Variants in PRORP observed in about 807,000 individuals in gnomAD.
PRORP encodes mitochondrial ribonuclease P catalytic subunit.
Under a neutral mutation model 59.4 loss-of-function variants are expected in PRORP, and 51 were observed. That is an observed-to-expected ratio of 0.86 (90% CI 0.69 to 1.08). The LOEUF is 1.08. PRORP is among the 50% of genes least tolerant of loss of function. The pLI, the probability that PRORP is intolerant of heterozygous loss-of-function variation, is 0.00. For synonymous variants in PRORP, 231 were observed against 245.6 expected, an observed-to-expected ratio of 0.94 and a Z score of 0.55; for missense variants, 646 against 690.3, an observed-to-expected ratio of 0.94 and a Z score of 0.72.
At chr14:35,179,902 A>T (rs1219666514) in intron 4 of PRORP, among the ~76,000 whole-genome samples, 1 of 152,128 alleles carries the variant, frequency 6.6e-6, no homozygotes, top group Non-Finnish European at 1.5e-5. Flanking sequence ...TGACAGACAG[A>T]TGGGGTTTTG....
In PRORP at chr14:35,231,722, G is replaced by T. The variant is rs1218329536; in HGVS notation, c.1276-35005G>T. 5.3e-5 allele frequency among the ~76,000 whole-genome samples: 8 copies of T among 152,278 alleles called. No homozygotes were observed. In the East Asian group the frequency reaches 1.5e-3, roughly 29 times the overall value. The stretch of plus-strand genomic sequence containing the variant: ...TTTAAAAATACTGGGAATGTGAAAG[G>T]AAAGTCCTTAGAATCAGCCATACCC... On this transcript the variant is annotated intron_variant, in intron 5 of 7. Coordinates refer to ENST00000534898, the MANE Select transcript of PRORP (RefSeq NM_014672.4).
chr14:35,251,628 C>T (rs778975536), intron 5 of PRORP, among the ~76,000 whole-genome samples: 8 of 152,152 alleles, frequency 5.3e-5, no homozygotes, highest in Non-Finnish European at 1.2e-4. Context: ...TACCTTGGCT[C>T]ACTGCAACTT....
chr14:35,175,768 G>T (rs1366735971), intron 4 of PRORP, among the ~76,000 whole-genome samples: 1 of 152,012 alleles, frequency 6.6e-6, no homozygotes, highest in Non-Finnish European at 1.5e-5. Context: ...GTCAATTTTG[G>T]CTTTTGTTGC....
intron 4 of PRORP, among the ~76,000 whole-genome samples, chr14:35,154,596 A>T (rs2047863984): frequency 1.3e-5 from 2 of 152,088 alleles, no homozygotes; most frequent in Non-Finnish European, 2.9e-5. Flanking sequence ...CTGGAAATAC[A>T]GGGGGCAGAG....
chr14:35,136,566 G>T (rs1176079720), intron 4 of PRORP, among the ~76,000 whole-genome samples: 1 of 144,678 alleles, frequency 6.9e-6, no homozygotes, highest in African/African-American at 2.4e-5. Context: ...TAGAGACGGG[G>T]GTTTCTCCAT....
At chr14:35,151,666 A>ACACG (rs1370506067) in intron 4 of PRORP, among the ~76,000 whole-genome samples, 7 of 151,672 alleles carry the variant, frequency 4.6e-5, no homozygotes, top group African/African-American at 1.7e-4. Flanking sequence ...ACACACACAC[A>ACACG]CACACACACA....
intron 5 of PRORP, among the ~76,000 whole-genome samples, chr14:35,224,840 G>T (rs1374820018): frequency 2.6e-5 from 4 of 152,032 alleles, no homozygotes; most frequent in Admixed American, 6.6e-5. Flanking sequence ...ATTCAAATTA[G>T]ACAGTTGGTG....
rs370315385 is a variant in PRORP at position 35,171,095 on chromosome 14, C to T, written c.1168-9575C>T. On this transcript the variant is annotated intron_variant, in intron 4 of 7. Coordinates refer to ENST00000534898, the MANE Select transcript of PRORP (RefSeq NM_014672.4). ...AACTCCCGACCTCAGGTGATCCACC[C>T]ACCTCGGCCTCCCAAAGTGCTGGGA... 1.4e-4 allele frequency among the ~76,000 whole-genome samples: 21 copies of T among 152,180 alleles called. No individual in the cohort carries two copies. In the East Asian group the frequency reaches 3.9e-3, roughly 28 times the overall value.
intron 5 of PRORP, among the ~76,000 whole-genome samples, chr14:35,212,118 A>T (rs2049463193): frequency 6.6e-6 from 1 of 152,210 alleles, no homozygotes; most frequent in Admixed American, 6.5e-5. Context: ...TTCAAGTTTT[A>T]TTATGAGGTT....
chr14:35,256,725 C>G (rs1331218782), intron 5 of PRORP, among the ~76,000 whole-genome samples: 1 of 151,832 alleles, frequency 6.6e-6, no homozygotes. Context: ...CAAAATAATC[C>G]GAGAGAAGGA....
intron 4 of PRORP, among the ~76,000 whole-genome samples, chr14:35,160,689 CTG>C (rs1283510541): frequency 6.7e-6 from 1 of 149,160 alleles, no homozygotes; most frequent in Non-Finnish European, 1.5e-5. Flanking sequence ...CATTAGTAAA[CTG>C]GGAATTAGAA....
chr14:35,206,506 C>T (rs1480942740), intron 5 of PRORP, among the ~76,000 whole-genome samples: 1 of 152,186 alleles, frequency 6.6e-6, no homozygotes, highest in Non-Finnish European at 1.5e-5. Context: ...AAACCCATAG[C>T]TATTTCATAC....
intron 4 of PRORP, among the ~76,000 whole-genome samples, chr14:35,172,438 TTCCTTCCTTCC>T (rs1364001491): frequency 2.7e-4 from 31 of 114,852 alleles, no homozygotes; most frequent in African/African-American, 9.9e-4. Flanking sequence ...CCTTCCTTCC[TTCCTTCCTTCC>T]TTCCTTCTTT....
intron 5 of PRORP, 21 bp downstream of exon 5, chr14:35,180,798 G>A (rs757828003): frequency 2.1e-6 from 3 of 1,410,244 alleles, no homozygotes; most frequent in Non-Finnish European, 3.0e-6. Context: ...GTTTTACTTT[G>A]TTATTCCACA....
At chr14:35,249,293 G>A (rs909285285) in intron 5 of PRORP, among the ~76,000 whole-genome samples, 1 of 152,058 alleles carries the variant, frequency 6.6e-6, no homozygotes, top group African/African-American at 2.4e-5. Flanking sequence ...CATAAAAAGT[G>A]AAGATGGGCT....
chr14:35,165,836 C>T (rs573017084), intron 4 of PRORP, among the ~76,000 whole-genome samples: 3 of 152,164 alleles, frequency 2.0e-5, no homozygotes, highest in South Asian at 2.1e-4. Flanking sequence ...CCTGCCACTA[C>T]GCCCAGCTAA....
intron 5 of PRORP, among the ~76,000 whole-genome samples, chr14:35,185,065 T>G (rs1566483909): frequency 6.6e-6 from 1 of 152,272 alleles, no homozygotes; most frequent in East Asian, 1.9e-4. Flanking sequence ...GGTTGAATGG[T>G]AGTTCTGCTT....
At chr14:35,134,843 A>G (rs1442614308) in intron 4 of PRORP, among the ~76,000 whole-genome samples, 1 of 152,118 alleles carries the variant, frequency 6.6e-6, no homozygotes, top group African/African-American at 2.4e-5. Flanking sequence ...CCAGTTCACC[A>G]CTAGGACTCA....
intron 5 of PRORP, chr14:35,262,465 A>C (rs1050479610): frequency 2.1e-6 from 1 of 475,714 alleles, no homozygotes; most frequent in African/African-American, 2.0e-5. Context: ...GAGAACGAAG[A>C]CCATTCTCAG....
Sources: allele counts gnomAD v4.1 joint callset (sites outside exome capture counted in the v4.1 genomes callset), GRCh38; gene constraint gnomAD v4.1.1; transcripts MANE v1.5; gene names NCBI Gene and HGNC (gene_info 2026-07-23, HGNC 2026-07-21).